WASF2: variants seen among roughly 807,000 people sequenced by gnomAD.
WASF2 encodes actin-binding protein WASF2.
WASF2 carries 14 observed loss-of-function variants against 45.0 expected under a neutral mutation model. That is an observed-to-expected ratio of 0.31 (90% CI 0.21 to 0.49). The LOEUF (loss-of-function observed/expected upper bound fraction) is 0.49. WASF2 is among the 20% of genes least tolerant of loss of function. WASF2 has a pLI of 0.99. For synonymous variants in WASF2, 200 were observed against 236.3 expected (o/e 0.85, Z 1.41); for missense variants, 439 against 636.1 (o/e 0.69, Z 3.33).
intron 1 of WASF2, among the ~76,000 whole-genome samples, chr1:27,441,938 A>AG (rs891266102): frequency 1.3e-5 from 2 of 150,200 alleles, no homozygotes; most frequent in Admixed American, 6.7e-5. Context: ...AAAAAAAAAA[A>AG]AAAGAAAGAA....
At chr1:27,419,904 AT>A (rs906405932) in intron 2 of WASF2, among the ~76,000 whole-genome samples, 3 of 151,064 alleles carry the variant, frequency 2.0e-5, no homozygotes, top group Non-Finnish European at 4.4e-5. Context: ...ATAACTTATA[AT>A]TTTTTTTTCT....
chr1:27,407,395 G>A lies in WASF2; in HGVS notation c.*794C>T, dbSNP rs2148094577. 6.5e-6 allele frequency: 1 copy of A among 152,844 alleles called. No homozygotes were observed. The highest frequency in any genetic ancestry group is 2.1e-4 in the South Asian group (1 of 4,828). 9.5% of individuals were successfully genotyped at this position (152,844 alleles called of 1,614,324 possible). ...CAGGCTTTGCTCCTGACAGCCAGAA[G>A]AGGCCCCTGTCCTCATGTGTCAGGG... On this transcript the variant is annotated 3_prime_UTR_variant, in exon 9 of 9. Transcript: ENST00000618852.
At chr1:27,437,691 C>T (rs1306110060) in intron 1 of WASF2, among the ~76,000 whole-genome samples, 1 of 152,170 alleles carries the variant, frequency 6.6e-6, no homozygotes, top group African/African-American at 2.4e-5. Context: ...ATACTTCAAA[C>T]TACCCATCTA....
chr1:27,483,132 C>T (rs1370574808), intron 1 of WASF2, among the ~76,000 whole-genome samples: 4 of 152,242 alleles, frequency 2.6e-5, no homozygotes, highest in East Asian at 3.9e-4. Flanking sequence ...GTCAAGAGTT[C>T]GAGATCAGCC....
rs2016695796 is a variant in WASF2, at chr1:27,407,554, A to G, written c.*635T>C. On this transcript the variant is annotated 3_prime_UTR_variant, in exon 9 of 9. Transcript: ENST00000618852. ...GAGGGAGGCAACAACACCAGCCTACAGAAAGGCATCATTTTTGGGCAGAGG... is the reference window on the plus strand; with the variant it reads ...GAGGGAGGCAACAACACCAGCCTACGGAAAGGCATCATTTTTGGGCAGAGG... 1.3e-5 allele frequency: 2 copies of G among 152,802 alleles called. No homozygotes were observed. The highest frequency in any genetic ancestry group is 2.9e-5 in the Non-Finnish European group (2 of 68,154). The allele number at this position is 152,802 out of a possible 1,614,324, so 9.5% of individuals were successfully genotyped here. A position where few individuals can be genotyped will look rare whatever the true frequency, so the allele number is the denominator to read the frequency against.
chr1:27,424,474 T>G (rs890698513), intron 2 of WASF2, among the ~76,000 whole-genome samples: 2 of 152,206 alleles, frequency 1.3e-5, no homozygotes, highest in African/African-American at 4.8e-5. Flanking sequence ...ACAGGTACTA[T>G]ACAAGGTAGA....
At chr1:27,466,130 G>A (rs9438519) in intron 1 of WASF2, among the ~76,000 whole-genome samples, 22,943 of 152,088 alleles carry the variant, frequency 0.15, 2,293 homozygotes, top group East Asian at 0.38. Context: ...ACTAGTAAAT[G>A]AAAGAATAAA....
At chr1:27,477,401 G>T (rs1054208866) in intron 1 of WASF2, among the ~76,000 whole-genome samples, 1 of 152,038 alleles carries the variant, frequency 6.6e-6, no homozygotes, top group African/African-American at 2.4e-5. Flanking sequence ...TTAGCTGGGC[G>T]TGTTGACACA....
chr1:27,433,397 C>T (rs923686501), intron 1 of WASF2, among the ~76,000 whole-genome samples: 2 of 152,148 alleles, frequency 1.3e-5, no homozygotes, highest in African/African-American at 4.8e-5. Flanking sequence ...ATAATGAATG[C>T]CTAATGACAT....
At chr1:27,469,161 AATG>A (rs2017656318) in intron 1 of WASF2, among the ~76,000 whole-genome samples, 1 of 152,142 alleles carries the variant, frequency 6.6e-6, no homozygotes, top group Non-Finnish European at 1.5e-5. Flanking sequence ...TTAGCATTTA[AATG>A]ATATGATGTC....
chr1:27,486,173 C>T (rs1223617057), intron 1 of WASF2, among the ~76,000 whole-genome samples: 2 of 152,134 alleles, frequency 1.3e-5, no homozygotes, highest in Non-Finnish European at 2.9e-5. Context: ...TTAGTATGAA[C>T]ATCCAGACAT....
chr1:27,412,332 G>A (rs1279434281), intron 7 of WASF2, among the ~76,000 whole-genome samples: 1 of 152,100 alleles, frequency 6.6e-6, no homozygotes, highest in Non-Finnish European at 1.5e-5. Context: ...TCAGTCTCCT[G>A]AGTAGATGGG....
At chr1:27,420,081 T>C (rs1206023843) in intron 2 of WASF2, among the ~76,000 whole-genome samples, 1 of 152,082 alleles carries the variant, frequency 6.6e-6, no homozygotes, top group Non-Finnish European at 1.5e-5. Flanking sequence ...ATTTTTGTAT[T>C]TTTGGTAGAG....
At position 27,410,330 on chromosome 1, in the gene WASF2, C is replaced by T; in HGVS notation, c.825-124G>A. 1 of 1,469,326 alleles carries T rather than the reference C, an allele frequency of 6.8e-7. No individual in the cohort carries two copies. Among genetic ancestry groups the T allele is most frequent in the Non-Finnish European group, 9.0e-7 (1 of 1,107,368 alleles). The allele number at this position is 1,469,326 out of a possible 1,614,324, so 91.0% of individuals were successfully genotyped here. On this transcript the variant is annotated intron_variant, in intron 7 of 8. Coordinates refer to ENST00000618852, the MANE Select transcript of WASF2 (RefSeq NM_006990.5). The surrounding 1 kb of genome is among the most constrained non-coding windows in gnomAD (Gnocchi z 4.2). ...CTATACCATTTCACTTTCACTTAAACAGAAAGAAAAGCCTACAGATGGTCA... is the reference window on the plus strand; with the variant it reads ...CTATACCATTTCACTTTCACTTAAATAGAAAGAAAAGCCTACAGATGGTCA...
chr1:27,418,513 ACTT>A, intron 3 of WASF2, 91 bp from the exon 4 acceptor site: 1 of 1,553,196 alleles, frequency 6.4e-7, no homozygotes, highest in South Asian at 1.2e-5. Context: ...CAGCTGCTGC[ACTT>A]CTTGGCTGTG....
At chr1:27,420,291 C>G (rs1327996590) in intron 2 of WASF2, among the ~76,000 whole-genome samples, 1 of 152,174 alleles carries the variant, frequency 6.6e-6, no homozygotes, top group African/African-American at 2.4e-5. Flanking sequence ...CTGAAACTTT[C>G]AAGCCCTCTC....
intron 1 of WASF2, among the ~76,000 whole-genome samples, chr1:27,441,787 G>A (rs1380737659): frequency 2.0e-5 from 3 of 148,878 alleles, no homozygotes; most frequent in Non-Finnish European, 3.0e-5. Flanking sequence ...TTAGCCGGGC[G>A]TGATGGCACA....
chr1:27,441,426 G>A (rs1056206195), intron 1 of WASF2, among the ~76,000 whole-genome samples: 4 of 151,370 alleles, frequency 2.6e-5, no homozygotes, highest in South Asian at 4.2e-4. Context: ...TCAGGAATTC[G>A]AGACCAGCTT....
Position 27,487,186 on chromosome 1 carries a change from C to T in WASF2, c.-44+2800G>A, listed in dbSNP as rs538708333. Among the ~76,000 whole-genome samples, 386 of 145,822 alleles carry T rather than the reference C, an allele frequency of 2.6e-3. 3 individuals are homozygous for T. Among genetic ancestry groups the T allele is most frequent in the African/African-American group, 7.6e-3 (307 of 40,148 alleles). ...TGCGATCTCGGTTCACTGCAAACTC[C>T]GCCTCCCGGGTTCACACCATTCTCC... On this transcript the variant is annotated intron_variant, in intron 1 of 8. Coordinates refer to ENST00000618852, the MANE Select transcript of WASF2 (RefSeq NM_006990.5).
Sources: allele counts gnomAD v4.1 joint callset (sites outside exome capture counted in the v4.1 genomes callset), GRCh38; gene constraint gnomAD v4.1.1; non-coding constraint Gnocchi (gnomAD v3.1); transcripts MANE v1.5; gene names NCBI Gene and HGNC (gene_info 2026-07-23, HGNC 2026-07-21).